The following STXBP5 variants were observed in gnomAD, a reference collection of about 807,000 sequenced individuals.
STXBP5 encodes syntaxin-binding protein 5.
In STXBP5, 50 loss-of-function variants were observed where a neutral mutation model predicts 152.4. The ratio of observed to expected loss-of-function variants is 0.33; its 90% CI spans 0.26 to 0.42. The LOEUF is 0.42. STXBP5 is among the 10% of genes least tolerant of loss of function. The pLI, the probability that STXBP5 is intolerant of heterozygous loss-of-function variation, is 1.00. For synonymous variants in STXBP5, 492 were observed against 494.7 expected (o/e 0.99, Z 0.07); for missense variants, 1,167 against 1,388.6 (o/e 0.84, Z 2.54).
chr6:147,355,542 G>A (rs911630217), intron 22 of STXBP5, among the ~76,000 whole-genome samples: 3 of 152,056 alleles, frequency 2.0e-5, no homozygotes, highest in Non-Finnish European at 4.4e-5. Context: ...TAACCATAGC[G>A]TTCCAGCTGT....
intron 2 of STXBP5, among the ~76,000 whole-genome samples, chr6:147,233,959 G>A (rs1778145306): frequency 6.6e-6 from 1 of 150,740 alleles, no homozygotes; most frequent in African/African-American, 2.4e-5. Flanking sequence ...TACTCAACCT[G>A]TTAATTTATA....
intron 2 of STXBP5, among the ~76,000 whole-genome samples, chr6:147,216,088 A>G (rs773111618): frequency 4.3e-4 from 65 of 152,160 alleles, no homozygotes; most frequent in Admixed American, 2.4e-3. Context: ...AAAAATGAAT[A>G]ATGTATTTTT....
At chr6:147,376,502 G>A (rs1263387276) in intron 26 of STXBP5, among the ~76,000 whole-genome samples, 1 of 152,022 alleles carries the variant, frequency 6.6e-6, no homozygotes, top group Non-Finnish European at 1.5e-5. Context: ...TCAGCTAAAA[G>A]ACAAAAATGG....
intron 9 of STXBP5, among the ~76,000 whole-genome samples, chr6:147,308,554 CACTGCCCTCATGAAGCAT>C (rs1782212946): frequency 6.6e-6 from 1 of 151,986 alleles, no homozygotes; most frequent in Non-Finnish European, 1.5e-5. Context: ...CACACAAAAC[CACTGCCCTCATGAAGCAT>C]ACATTTTAAT....
At chr6:147,238,330 A>G (rs78891899) in intron 3 of STXBP5, among the ~76,000 whole-genome samples, 2,097 of 152,248 alleles carry the variant, frequency 0.014, 51 homozygotes, top group African/African-American at 0.048. Context: ...ACTCACTAGC[A>G]TAAGAACTAA....
chr6:147,274,397 A>C (rs1433412939), intron 7 of STXBP5, among the ~76,000 whole-genome samples: 2 of 152,156 alleles, frequency 1.3e-5, no homozygotes, highest in Non-Finnish European at 2.9e-5. Context: ...GAGAGAAAGG[A>C]AAAAAAGCTA....
chr6:147,277,411 A>T (rs1190846293), intron 7 of STXBP5, among the ~76,000 whole-genome samples: 1 of 152,132 alleles, frequency 6.6e-6, no homozygotes, highest in Non-Finnish European at 1.5e-5. Context: ...AGAGTGATTT[A>T]AAAAGTTTTT....
At position 147,265,666 on chromosome 6, in the gene STXBP5, G is replaced by A. The variant is rs568720868; in HGVS notation, c.631-1418G>A. On this transcript the variant is annotated intron_variant, in intron 6 of 27. Coordinates refer to ENST00000321680, the MANE Select transcript of STXBP5 (RefSeq NM_001127715.4). The stretch of plus-strand genomic sequence containing the variant: ...GGAAAATACTGAGGTGGGGCCTGGG[G>A]GTACACTGTGGTACACTGTGGGCAG... Among the ~76,000 whole-genome samples, 10 of 152,030 alleles carry A rather than the reference G, an allele frequency of 6.6e-5. No individual in the cohort carries two copies. The East Asian group carries it at 1.9e-3, about 29-fold the overall frequency.
chr6:147,226,412 G>A (rs745554525), intron 2 of STXBP5, among the ~76,000 whole-genome samples: 1 of 152,140 alleles, frequency 6.6e-6, no homozygotes, highest in African/African-American at 2.4e-5. Context: ...GCCTTTGGGA[G>A]TAAAAAGAGC....
chr6:147,241,362 T>G (rs150965715), intron 4 of STXBP5, among the ~76,000 whole-genome samples: 13 of 152,322 alleles, frequency 8.5e-5, no homozygotes, highest in South Asian at 4.1e-4. Flanking sequence ...TTTTGACAAA[T>G]GCGTAATGTC....
chr6:147,256,173 A>G (rs1779353145), intron 4 of STXBP5, among the ~76,000 whole-genome samples: 1 of 152,190 alleles, frequency 6.6e-6, no homozygotes, highest in South Asian at 2.1e-4. Flanking sequence ...TCATGAGCAG[A>G]CTTGGAACAC....
At chr6:147,325,463 G>T (rs1241069871) in intron 17 of STXBP5, among the ~76,000 whole-genome samples, 3 of 152,108 alleles carry the variant, frequency 2.0e-5, no homozygotes, top group Non-Finnish European at 4.4e-5. Context: ...TGTAAATGTT[G>T]AAGTGTAGTT....
intron 6 of STXBP5, among the ~76,000 whole-genome samples, chr6:147,264,884 A>T (rs1779815536): frequency 6.6e-6 from 1 of 152,068 alleles, no homozygotes; most frequent in Admixed American, 6.6e-5. Context: ...TCCTTAGAAT[A>T]CTAGAGCTGG....
At chr6:147,217,255 A>G (rs1301337982) in intron 2 of STXBP5, among the ~76,000 whole-genome samples, 1 of 152,138 alleles carries the variant, frequency 6.6e-6, no homozygotes, top group Non-Finnish European at 1.5e-5. Flanking sequence ...CCATCTGTTC[A>G]GTCTTTGTAC....
At chr6:147,241,337 G>A (rs1438544786) in intron 4 of STXBP5, among the ~76,000 whole-genome samples, 1 of 152,038 alleles carries the variant, frequency 6.6e-6, no homozygotes, top group African/African-American at 2.4e-5. Flanking sequence ...TATTTGTGTT[G>A]AACAATTCTA....
At chr6:147,366,946 T>C (rs1262779243) in intron 25 of STXBP5, among the ~76,000 whole-genome samples, 1 of 152,172 alleles carries the variant, frequency 6.6e-6, no homozygotes, top group East Asian at 1.9e-4. Context: ...TGGTGTCCAG[T>C]CAGTTACCAG....
chr6:147,245,974 G>A (rs1778791664), intron 4 of STXBP5, among the ~76,000 whole-genome samples: 1 of 152,164 alleles, frequency 6.6e-6, no homozygotes, highest in African/African-American at 2.4e-5. Flanking sequence ...AATTCCTGTT[G>A]TTTTAAGCCA....
At chr6:147,264,818 A>T (rs1416093826) in intron 6 of STXBP5, among the ~76,000 whole-genome samples, 2 of 152,116 alleles carry the variant, frequency 1.3e-5, no homozygotes, top group Non-Finnish European at 2.9e-5. Context: ...AAAGGAATTG[A>T]AAAGCTGGAA....
intron 10 of STXBP5, among the ~76,000 whole-genome samples, chr6:147,310,996 A>G (rs1274476971): frequency 6.6e-6 from 1 of 152,154 alleles, no homozygotes; most frequent in African/African-American, 2.4e-5. Flanking sequence ...ATTCAAGAAG[A>G]ATTTAAATCT....
Sources: gnomAD v4.1 joint callset for allele counts (sites outside exome capture counted in the v4.1 genomes callset) on GRCh38, gnomAD v4.1.1 for gene constraint, MANE v1.5 for transcripts, NCBI Gene and HGNC (gene_info 2026-07-23, HGNC 2026-07-21) for gene names.